Variants in MANBA observed in about 807,000 individuals in gnomAD.
The protein encoded by MANBA is mannosidase beta.
A neutral mutation model predicts 111.1 loss-of-function variants in MANBA; 83 were observed. That is an observed-to-expected ratio of 0.75 (90% CI 0.63 to 0.90). The LOEUF is 0.90. Among genes scored for constraint, MANBA ranks in the 40% least tolerant of loss-of-function variants. The pLI is 0.00. For synonymous variants in MANBA, 370 were observed against 378.7 expected (o/e 0.98, Z 0.27); for missense variants, 1,036 against 1,069.0 (o/e 0.97, Z 0.43).
chr4:102,683,562 T>C (rs1012273576), intron 7 of MANBA, among the ~76,000 whole-genome samples: 1 of 152,190 alleles, frequency 6.6e-6, no homozygotes, highest in Non-Finnish European at 1.5e-5. Flanking sequence ...GTCAATTCAG[T>C]ACAATCAATT....
At chr4:102,750,065 T>C (rs1029343065) in intron 1 of MANBA, among the ~76,000 whole-genome samples, 3 of 152,204 alleles carry the variant, frequency 2.0e-5, no homozygotes, top group Non-Finnish European at 2.9e-5. Context: ...TTCCCAGAAA[T>C]TGAGCAACAT....
chr4:102,706,995 G>A (rs1178815915), intron 5 of MANBA, among the ~76,000 whole-genome samples: 1 of 152,088 alleles, frequency 6.6e-6, no homozygotes, highest in Non-Finnish European at 1.5e-5. Context: ...AAATTACAAA[G>A]AGAGAAAACC....
chr4:102,694,844 C>T (rs749820100), intron 5 of MANBA, among the ~76,000 whole-genome samples: 1 of 152,038 alleles, frequency 6.6e-6, no homozygotes, highest in African/African-American at 2.4e-5. Context: ...CCCTCCCTGG[C>T]CTGAAGGCTT....
chr4:102,665,090 A>G, intron 10 of MANBA: 1 of 486,006 alleles, frequency 2.1e-6, no homozygotes, highest in Non-Finnish European at 3.7e-6. Context: ...TCTCTGCTAT[A>G]TAAAAACTGA....
At chr4:102,742,768 T>C (rs1723451951) in intron 1 of MANBA, among the ~76,000 whole-genome samples, 1 of 152,174 alleles carries the variant, frequency 6.6e-6, no homozygotes, top group African/African-American at 2.4e-5. Context: ...CCAGAGTAAG[T>C]GTCCATTCCA....
At chr4:102,688,339 CCT>C (rs1732312649) in intron 7 of MANBA, among the ~76,000 whole-genome samples, 4 of 149,358 alleles carry the variant, frequency 2.7e-5, no homozygotes, top group Admixed American at 6.7e-5. Flanking sequence ...ACTCTCTTCC[CCT>C]CTCACACACA....
At chr4:102,686,290 T>C (rs75184524) in intron 7 of MANBA, among the ~76,000 whole-genome samples, 1 of 152,330 alleles carries the variant, frequency 6.6e-6, no homozygotes, top group African/African-American at 2.4e-5. Flanking sequence ...CTTCATACTA[T>C]TAGCTCCAAT....
chr4:102,685,694 C>T (rs1732178406), intron 7 of MANBA, among the ~76,000 whole-genome samples: 1 of 152,080 alleles, frequency 6.6e-6, no homozygotes, highest in Non-Finnish European at 1.5e-5. Flanking sequence ...GTATCCTTTT[C>T]TATGTTGAAA....
At position 102,760,754 on chromosome 4, in the gene MANBA, G is replaced by A; in HGVS notation, c.141C>T (p.Cys47=). Residue 47 remains cysteine, a synonymous_variant, in exon 1 of 17, where the codon TGC becomes TGT. Coordinates refer to ENST00000647097, the MANE Select transcript of MANBA (RefSeq NM_005908.4). ...SLELPGAVPG[C]VHSALFQQGL... ...CCTGCTGGAACAAGGCGCTGTGCAC[G>A]CAGCCAGGGACCGCCCCGGGCAGCT... The A allele has an allele frequency of 6.5e-7, 1 of 1,548,026 alleles. No individual in the cohort carries two copies. The highest frequency in any genetic ancestry group is 8.7e-7 in the Non-Finnish European group (1 of 1,146,006).
At chr4:102,729,616 A>G (rs1722952480) in intron 1 of MANBA, 1 of 976,552 alleles carries the variant, frequency 1.0e-6, no homozygotes. Flanking sequence ...ACCTCTGTAC[A>G]CTTATTGATC....
At chr4:102,756,765 A>G (rs1311262042) in intron 1 of MANBA, among the ~76,000 whole-genome samples, 1 of 144,524 alleles carries the variant, frequency 6.9e-6, no homozygotes, top group African/African-American at 2.6e-5. Context: ...TTACTTATCT[A>G]TATATTTTAA....
intron 1 of MANBA, 149 bp from the exon 2 acceptor site, chr4:102,726,832 C>A (rs937631208): frequency 5.0e-6 from 3 of 596,602 alleles, no homozygotes; most frequent in South Asian, 2.1e-5. Flanking sequence ...GGGGACAGAT[C>A]GTTAATACTG....
chr4:102,659,966 C>T (rs970119076), intron 11 of MANBA, among the ~76,000 whole-genome samples: 4 of 152,096 alleles, frequency 2.6e-5, no homozygotes, highest in Admixed American at 6.6e-5. Flanking sequence ...TCTCCTTGTT[C>T]TACACCCTGT....
chr4:102,694,352 G>C (rs566883079), intron 5 of MANBA, among the ~76,000 whole-genome samples: 323 of 152,258 alleles, frequency 2.1e-3, no homozygotes, highest in African/African-American at 7.2e-3. Context: ...ACATGGAAAA[G>C]TAGGTAATTT....
At chr4:102,690,909 T>A (rs1181033037) in intron 5 of MANBA, 138 bp from the exon 6 acceptor site, 10 of 255,428 alleles carry the variant, frequency 3.9e-5, no homozygotes, top group Non-Finnish European at 6.3e-5. Context: ...GCTGTCATAA[T>A]CAAAACTTCG....
intron 6 of MANBA, 107 bp downstream of exon 6, chr4:102,690,489 C>A: frequency 9.6e-7 from 1 of 1,037,162 alleles, no homozygotes; most frequent in South Asian, 1.3e-5. Context: ...CAAATATAAG[C>A]AGAGAAAGTA....
chr4:102,752,787 T>TA, intron 1 of MANBA: 1 of 337,146 alleles, frequency 3.0e-6, no homozygotes, highest in Non-Finnish European at 5.7e-6. Flanking sequence ...CATTTAACTA[T>TA]CTTTTTCTTA....
chr4:102,669,109 GTCTT>G, intron 9 of MANBA, 60 bp from the exon 10 acceptor site: 2 of 1,285,436 alleles, frequency 1.6e-6, no homozygotes, highest in Non-Finnish European at 2.2e-6. Flanking sequence ...ACAGAAGAAA[GTCTT>G]TATTCTGAGC....
intron 11 of MANBA, among the ~76,000 whole-genome samples, chr4:102,662,229 G>A (rs1460552397): frequency 2.0e-5 from 3 of 152,056 alleles, no homozygotes; most frequent in East Asian, 3.9e-4. Flanking sequence ...TGATGATGAC[G>A]ATGGCTAGTT....
Sources: gnomAD v4.1 joint callset for allele counts (sites outside exome capture counted in the v4.1 genomes callset) on GRCh38, gnomAD v4.1.1 for gene constraint, MANE v1.5 for transcripts, NCBI Gene and HGNC (gene_info 2026-07-23, HGNC 2026-07-21) for gene names.